The following SYNE1 variants were observed in gnomAD, a reference collection of about 807,000 sequenced individuals.
The protein encoded by SYNE1 is nesprin-1.
SYNE1 carries 616 observed loss-of-function variants against 1,111.0 expected under a neutral mutation model. The observed-to-expected ratio is 0.55, with a 90% CI of 0.52 to 0.59. The LOEUF is 0.59. Among genes scored for constraint, SYNE1 ranks in the 20% least tolerant of loss-of-function variants. The pLI is 0.00. For synonymous variants in SYNE1, 3,855 were observed against 3,825.8 expected, an observed-to-expected ratio of 1.01 and a Z score of -0.28; for missense variants, 10,006 against 10,417.0, an observed-to-expected ratio of 0.96 and a Z score of 1.72.
At chr6:152,155,147 CTG>C in intron 132 of SYNE1, 105 bp from the exon 133 acceptor site, 3 of 1,400,508 alleles carry the variant, frequency 2.1e-6, no homozygotes, top group Non-Finnish European at 3.0e-6. Flanking sequence ...ACAGAGGCAA[CTG>C]TTGTGCCAAA....
chr6:152,304,010 C>G (rs1483683984), intron 91 of SYNE1, among the ~76,000 whole-genome samples: 3 of 147,484 alleles, frequency 2.0e-5, no homozygotes, highest in Non-Finnish European at 3.1e-5. Flanking sequence ...CAGAACTCAG[C>G]CAGCAGGCAG....
At chr6:152,556,181 A>G (rs2099364425) in intron 3 of SYNE1, among the ~76,000 whole-genome samples, 1 of 152,222 alleles carries the variant, frequency 6.6e-6, no homozygotes. Context: ...TGCAACAAAA[A>G]TATCTGCCTG....
intron 124 of SYNE1, among the ~76,000 whole-genome samples, chr6:152,209,706 C>T (rs1383218893): frequency 4.0e-5 from 6 of 151,232 alleles, no homozygotes; most frequent in South Asian, 2.1e-4. Context: ...GCCGAGATAG[C>T]GCCACTTCAC....
In SYNE1 at chr6:152,300,660, G is replaced by A; in HGVS notation, c.17663C>T (p.Thr5888Ile). The part of the protein sequence containing the change: ...ACRSPSPVAN[T>I]DASVNQDIAY... ...AGGTACCTGGTTAACAGAAGCATCT[G>A]TATTAGCCACAGGTGAAGGGGAGCG... Residue 5888 changes from threonine (T) to isoleucine (I), a missense_variant, in exon 93 of 146, where the codon ACA becomes ATA. Thr to Ile is a moderately conservative substitution (Grantham distance 89). Around this residue, in one of 7 missense-constraint regions of SYNE1, gnomAD observed 4,955 missense variants for 5,017.2 expected, o/e 0.99. Coordinates refer to ENST00000367255, the MANE Select transcript of SYNE1 (RefSeq NM_182961.4). 3.1e-6 allele frequency: 5 copies of A among 1,614,226 alleles called. No individual in the cohort carries two copies. The highest frequency in any genetic ancestry group is 4.2e-6 in the Non-Finnish European group (5 of 1,180,040).
At chr6:152,153,044 C>T (rs1480483097) in intron 133 of SYNE1, among the ~76,000 whole-genome samples, 1 of 152,124 alleles carries the variant, frequency 6.6e-6, no homozygotes, top group African/African-American at 2.4e-5. Context: ...TGGCATTAGA[C>T]CAAAATGAAA....
intron 4 of SYNE1, among the ~76,000 whole-genome samples, chr6:152,527,349 C>T (rs1654987926): frequency 6.6e-6 from 1 of 152,100 alleles, no homozygotes; most frequent in South Asian, 2.1e-4. Context: ...TAGCTGAATA[C>T]ATTTTGTTCT....
chr6:152,506,633 C>G (rs1049163523), intron 8 of SYNE1, among the ~76,000 whole-genome samples: 3 of 152,110 alleles, frequency 2.0e-5, no homozygotes, highest in Admixed American at 2.0e-4. Context: ...CCTCCACCCC[C>G]CAGGCTCAAG....
intron 128 of SYNE1, 112 bp downstream of exon 128, chr6:152,189,140 C>G: frequency 9.1e-7 from 1 of 1,097,390 alleles, no homozygotes; most frequent in Non-Finnish European, 1.4e-6. Flanking sequence ...CTTCCTTTGT[C>G]CGTACTAAGA....
intron 3 of SYNE1, among the ~76,000 whole-genome samples, chr6:152,572,949 A>G (rs943585309): frequency 3.3e-5 from 5 of 152,124 alleles, no homozygotes; most frequent in African/African-American, 1.2e-4. Context: ...ACATTTTAGG[A>G]ATGTAAACAC....
rs764352416 is a variant in SYNE1 at position 152,442,189 on chromosome 6, C to A, written c.3894G>T (p.Gln1298His). 4 of 1,613,610 alleles carry A rather than the reference C, an allele frequency of 2.5e-6. No homozygotes were observed. The East Asian group carries it at 8.9e-5, about 36-fold the overall frequency. The change falls in exon 31 of 146, where the codon CAG becomes CAT. Residue 1298 changes from glutamine (Q) to histidine (H), a missense_variant. This residue lies in a region of SYNE1 where 1,971 missense variants were observed against 2,084.1 expected (regional missense o/e 0.95). Transcript: ENST00000367255. ...KKRDVQQQIA[Q>H]AQQGEGGLPD... ...GCAGCCCCCCTTCTCCCTGCTGCGC[C>A]TGCGCGATCTGCTGCTGCACATCTC...
chr6:152,245,390 G>C (rs537920672), intron 105 of SYNE1, among the ~76,000 whole-genome samples: 3 of 152,308 alleles, frequency 2.0e-5, no homozygotes, highest in Admixed American at 2.0e-4. Flanking sequence ...ACAAATCCTG[G>C]AGCAGCCTAA....
At chr6:152,383,872 A>T (rs1332695407) in intron 55 of SYNE1, among the ~76,000 whole-genome samples, 1 of 152,194 alleles carries the variant, frequency 6.6e-6, no homozygotes, top group East Asian at 1.9e-4. Flanking sequence ...TGAACAGCTC[A>T]TGTCTTCACC....
chr6:152,526,973 G>A (rs1205284924), intron 4 of SYNE1, among the ~76,000 whole-genome samples: 2 of 152,164 alleles, frequency 1.3e-5, no homozygotes, highest in Non-Finnish European at 2.9e-5. Context: ...CTTGGCTCAG[G>A]AGAAAGTAAA....
In SYNE1 at chr6:152,560,028, A is replaced by G. The variant is rs183935552; in HGVS notation, c.68-20007T>C. ...AATCTAGAAGAAATGGATAAATTCC[A>G]GACACGTACAATCTACCAAAACTGA... is the stretch of plus-strand genomic sequence containing the variant. On this transcript the variant is annotated intron_variant, in intron 3 of 145. Transcript: ENST00000367255. Among the ~76,000 whole-genome samples, 14 of 152,288 alleles carry G rather than the reference A, an allele frequency of 9.2e-5. No individual in the cohort carries two copies. In the East Asian group the frequency reaches 2.7e-3, roughly 29 times the overall value.
At chr6:152,606,086 T>G (rs1326385560) in intron 3 of SYNE1, among the ~76,000 whole-genome samples, 1 of 152,190 alleles carries the variant, frequency 6.6e-6, no homozygotes, top group Admixed American at 6.5e-5. Context: ...TCACAGTCTG[T>G]GGCTTGGCAG....
chr6:152,221,694 C>G, intron 117 of SYNE1, 135 bp from the exon 118 acceptor site: 2 of 1,097,296 alleles, frequency 1.8e-6, no homozygotes, highest in Non-Finnish European at 2.7e-6. Flanking sequence ...AGCACCAATG[C>G]TTTATCAGCT....
At chr6:152,524,993 C>T (rs1564635212) in intron 5 of SYNE1, among the ~76,000 whole-genome samples, 1 of 152,120 alleles carries the variant, frequency 6.6e-6, no homozygotes, top group Non-Finnish European at 1.5e-5. Context: ...AGCCCTGAGG[C>T]AGAAAGCCAG....
rs530609786 is a variant in SYNE1 at position 152,593,450 on chromosome 6, C to T, written c.67+34815G>A. Among the ~76,000 whole-genome samples the T allele has an allele frequency of 3.9e-5, 6 of 152,046 alleles. No individual in the cohort carries two copies. In the South Asian group the frequency reaches 6.2e-4, roughly 16 times the overall value. On this transcript the variant is annotated intron_variant, in intron 3 of 145. Transcript: ENST00000367255. The stretch of plus-strand genomic sequence containing the variant: ...CTACAAAAAAATTAGGGTGTGGTGA[C>T]GGGTGCCTGTAGTCCCAGCTATTCG...
rs186845242 is a variant in SYNE1, at chr6:152,242,045, T to A, written c.19893+195A>T. Reference sequence around the variant, plus strand: ...TAATTTACAACATTATAGAAACATATCCCCTATAATTTCTCTGTGCTACTG... The same window carrying A: ...TAATTTACAACATTATAGAAACATAACCCCTATAATTTCTCTGTGCTACTG... On this transcript the variant is annotated intron_variant, in intron 107 of 145. Transcript: ENST00000367255. Among the ~76,000 whole-genome samples, 112 of 152,252 alleles carry A rather than the reference T, an allele frequency of 7.4e-4. 1 individual carries two copies. Among genetic ancestry groups the A allele is most frequent in the Admixed American group, 6.5e-3 (100 of 15,300 alleles).
Sources: gnomAD v4.1 joint callset for allele counts (sites outside exome capture counted in the v4.1 genomes callset) on GRCh38, gnomAD v4.1.1 for gene constraint, gnomAD v4.1.1 regional missense constraint, MANE v1.5 for transcripts, NCBI Gene and HGNC (gene_info 2026-07-23, HGNC 2026-07-21) for gene names.